SPINK5: variants seen among roughly 807,000 people sequenced by gnomAD.
SPINK5 encodes the protein serine protease inhibitor Kazal-type 5.
In SPINK5, 125 loss-of-function variants were observed where a neutral mutation model predicts 151.8. The ratio of observed to expected loss-of-function variants is 0.82; its 90% CI spans 0.71 to 0.96. SPINK5 has a LOEUF of 0.96. Ranked by LOEUF, SPINK5 falls within the 40% of genes least tolerant of loss-of-function variation. The pLI is 0.00. For synonymous variants in SPINK5, 374 were observed against 395.3 expected (o/e 0.95, Z 0.64); for missense variants, 1,194 against 1,291.9 (o/e 0.92, Z 1.16).
At chr5:148,094,633 TGA>T in intron 9 of SPINK5, 152 bp downstream of exon 9, 1 of 1,230,450 alleles carries the variant, frequency 8.1e-7, no homozygotes, top group Non-Finnish European at 1.2e-6. Context: ...TGCCACCTAG[TGA>T]GCAGGCACTA....
Position 148,097,975 on chromosome 5 carries a change from T to A in SPINK5, c.991T>A (p.Ser331Thr). Residue 331 changes from serine to threonine, a missense_variant, in exon 11 of 33, where the codon TCC becomes ACC. Transcript: ENST00000256084. ...TGGGAAAATGCATGGCAACTTGTGT[T>A]CCATGTGTCAAGCCTACTTGTGAGT... ...PDGKMHGNLCSMCQAYFQAEN... is the reference protein window; with the variant it reads ...PDGKMHGNLCTMCQAYFQAEN... The A allele has an allele frequency of 6.2e-7, 1 of 1,612,078 alleles. No homozygotes were observed. The highest frequency in any genetic ancestry group is 1.1e-5 in the South Asian group (1 of 91,050).
At chr5:148,086,776 A>G (rs1428698640) in intron 5 of SPINK5, among the ~76,000 whole-genome samples, 2 of 151,526 alleles carry the variant, frequency 1.3e-5, no homozygotes, top group African/African-American at 4.8e-5. Flanking sequence ...TGAAGTAGAC[A>G]GAATAGGGAG....
rs757029351 is a variant in SPINK5 at position 148,111,749 on chromosome 5, C to T, written c.1693-19C>T. The T allele has an allele frequency of 1.2e-4, 198 of 1,613,752 alleles. No individual in the cohort carries two copies. The South Asian group carries it at 1.4e-3, about 11-fold the overall frequency. On this transcript the variant is annotated intron_variant, in intron 18 of 32. Transcript: ENST00000256084. ...TTAGTTATTGGACTCTTAAAACCTGCTTCTGCTTCATTTGGCAGGAGCTGT... is the reference window on the plus strand; with the variant it reads ...TTAGTTATTGGACTCTTAAAACCTGTTTCTGCTTCATTTGGCAGGAGCTGT...
At chr5:148,108,866 T>A in intron 18 of SPINK5, 29 bp downstream of exon 18, 1 of 1,610,268 alleles carries the variant, frequency 6.2e-7, no homozygotes, top group Non-Finnish European at 8.5e-7. Flanking sequence ...CAGAGCCACA[T>A]AAATATTCAA....
chr5:148,077,201 A>G (rs979239012), intron 4 of SPINK5, among the ~76,000 whole-genome samples: 2 of 151,134 alleles, frequency 1.3e-5, no homozygotes, highest in East Asian at 3.9e-4. Flanking sequence ...AAAAAAAAAA[A>G]ACAAAGAGAA....
At chr5:148,078,300 A>G (rs1228073391) in intron 4 of SPINK5, among the ~76,000 whole-genome samples, 1 of 151,338 alleles carries the variant, frequency 6.6e-6, no homozygotes, top group Middle Eastern at 3.4e-3. Flanking sequence ...AAAAAATGCT[A>G]TAATTAAAAG....
intron 30 of SPINK5, among the ~76,000 whole-genome samples, chr5:148,127,490 TG>T (rs1426572607): frequency 6.6e-6 from 1 of 152,184 alleles, no homozygotes; most frequent in Non-Finnish European, 1.5e-5. Context: ...TGGAACTCTA[TG>T]CCAAGCATGC....
intron 16 of SPINK5, 144 bp downstream of exon 16, chr5:148,105,144 G>A (rs1016539032): frequency 5.5e-6 from 5 of 910,170 alleles, no homozygotes; most frequent in Admixed American, 2.5e-5. Context: ...GAACAAAAAG[G>A]GTCCTGATAA....
chr5:148,133,802 G>C lies in SPINK5; in HGVS notation c.3101G>C (p.Arg1034Pro), dbSNP rs775295911. ...PCMLCHENLI[R>P]QTNTHIRSTG... Reference sequence around the variant, plus strand: ...CATCCTCTGATCTGTTTTAGGATACGCCAAACAAATACACACATCCGCAGT... The same window carrying C: ...CATCCTCTGATCTGTTTTAGGATACCCCAAACAAATACACACATCCGCAGT... The change falls in exon 32 of 33, where the codon CGC becomes CCC. Residue 1034 changes from arginine (R) to proline (P), a missense_variant. Transcript: ENST00000256084. 1.9e-6 allele frequency: 3 copies of C among 1,613,626 alleles called. No homozygotes were observed. The highest frequency in any genetic ancestry group is 2.2e-5 in the South Asian group (2 of 91,084).
chr5:148,070,521 T>C, intron 3 of SPINK5, 71 bp downstream of exon 3: 1 of 1,592,440 alleles, frequency 6.3e-7, no homozygotes, highest in Non-Finnish European at 8.6e-7. Context: ...GTAAATGTAT[T>C]CTTTTTCTTT....
intron 24 of SPINK5, 120 bp from the exon 25 acceptor site, chr5:148,119,889 T>C: frequency 1.9e-6 from 2 of 1,040,174 alleles, no homozygotes; most frequent in South Asian, 2.8e-5. Context: ...GACATTATTT[T>C]GCCTATCACA....
At chr5:148,123,395 T>TAG (rs71914767) in intron 26 of SPINK5, among the ~76,000 whole-genome samples, 16,361 of 126,208 alleles carry the variant, frequency 0.13, 1,140 homozygotes, top group South Asian at 0.18. Context: ...TATATATATA[T>TAG]ATAGATAGAT....
At chr5:148,130,578 C>T (rs1035750118) in intron 30 of SPINK5, among the ~76,000 whole-genome samples, 10 of 152,020 alleles carry the variant, frequency 6.6e-5, no homozygotes, top group South Asian at 4.1e-4. Context: ...CAAAACACTA[C>T]GAAGAGCAAA....
At chr5:148,096,473 T>C (rs1382169749) in intron 10 of SPINK5, among the ~76,000 whole-genome samples, 2 of 152,026 alleles carry the variant, frequency 1.3e-5, no homozygotes, top group African/African-American at 2.4e-5. Context: ...TCATCCTCCA[T>C]GTTGTTTTCA....
intron 16 of SPINK5, among the ~76,000 whole-genome samples, chr5:148,105,770 C>T (rs1753765753): frequency 6.8e-6 from 1 of 147,186 alleles, no homozygotes; most frequent in Non-Finnish European, 1.5e-5. Context: ...GCACGTGCCA[C>T]AATGCCCAGC....
At chr5:148,092,251 C>T (rs78407720) in intron 8 of SPINK5, among the ~76,000 whole-genome samples, 4,831 of 151,884 alleles carry the variant, frequency 0.032, 280 homozygotes, top group African/African-American at 0.11. Context: ...CCCTTCAGTT[C>T]GTAATGCTTA....
chr5:148,133,754 T>C, intron 31 of SPINK5, 43 bp from the exon 32 acceptor site: 2 of 1,597,218 alleles, frequency 1.3e-6, no homozygotes, highest in Non-Finnish European at 1.7e-6. Context: ...TTATTATAAC[T>C]GAGAACTTCC....
At chr5:148,112,818 GT>G in intron 19 of SPINK5, 49 bp from the exon 20 acceptor site, 7 of 1,611,506 alleles carry the variant, frequency 4.3e-6, no homozygotes, top group Non-Finnish European at 5.1e-6. Context: ...CTTTAGGGTA[GT>G]ATGTATTGGG....
intron 9 of SPINK5, among the ~76,000 whole-genome samples, chr5:148,095,076 A>C (rs6580519): frequency 0.7 from 106,263 of 151,814 alleles, 38,218 homozygotes; most frequent in African/African-American, 0.86. Flanking sequence ...TCTTGGCCAG[A>C]TGATGTCCCC....
Sources: gnomAD v4.1 joint callset for allele counts (sites outside exome capture counted in the v4.1 genomes callset) on GRCh38, gnomAD v4.1.1 for gene constraint, MANE v1.5 for transcripts, NCBI Gene and HGNC (gene_info 2026-07-23, HGNC 2026-07-21) for gene names.